ERC1: variants seen among roughly 807,000 people sequenced by gnomAD.
ERC1 encodes the protein ELKS/RAB6-interacting/CAST family member 1, also known as RAB6 interacting protein 2.
In ERC1, 56 loss-of-function variants were observed where a neutral mutation model predicts 132.0. The ratio of observed to expected loss-of-function variants is 0.42; its 90% CI spans 0.34 to 0.53. ERC1 has a LOEUF of 0.53. Ranked by LOEUF, ERC1 falls within the 20% of genes least tolerant of loss-of-function variation. The pLI is 0.03. For missense variants in ERC1, 1,202 were observed against 1,349.9 expected (o/e 0.89, Z 1.72); for synonymous variants, 478 against 476.1 (o/e 1.00, Z -0.05).
intron 2 of ERC1, among the ~76,000 whole-genome samples, chr12:1,049,109 G>T (rs1971507025): frequency 6.6e-6 from 1 of 152,184 alleles, no homozygotes; most frequent in Non-Finnish European, 1.5e-5. Context: ...AAACCTGGCA[G>T]GCCAGAGTAA....
rs540744769 is a variant in ERC1, at chr12:1,485,450, A to T, written c.3214-4643A>T. Among the ~76,000 whole-genome samples, 182 of 150,922 alleles carry T rather than the reference A, an allele frequency of 1.2e-3. 1 individual carries two copies. Among genetic ancestry groups the T allele is most frequent in the South Asian group, 1.5e-3 (7 of 4,766 alleles). ...GAACTCCTGACCTTGTGATCTGCCC[A>T]CCTTGGCCTCCTAAAGTGCTGGGAT... On this transcript the variant is annotated intron_variant, in intron 18 of 18. Transcript: ENST00000360905.
At chr12:1,312,816 G>A (rs992844625) in intron 15 of ERC1, among the ~76,000 whole-genome samples, 1 of 152,028 alleles carries the variant, frequency 6.6e-6, no homozygotes, top group Non-Finnish European at 1.5e-5. Flanking sequence ...AGTTGAGCTT[G>A]TTTTTAAAAG....
chr12:1,376,223 T>C (rs1720617553), intron 16 of ERC1, among the ~76,000 whole-genome samples: 1 of 152,220 alleles, frequency 6.6e-6, no homozygotes, highest in African/African-American at 2.4e-5. Flanking sequence ...TTTTTAATGA[T>C]ATGACTCTCA....
intron 12 of ERC1, among the ~76,000 whole-genome samples, chr12:1,230,837 C>G (rs1230523217): frequency 1.3e-5 from 2 of 152,140 alleles, no homozygotes; most frequent in African/African-American, 2.4e-5. Context: ...AACCTTGTCT[C>G]TTGTGACTGA....
chr12:1,091,079 G>A (rs976944341), intron 3 of ERC1, among the ~76,000 whole-genome samples: 1 of 152,062 alleles, frequency 6.6e-6, no homozygotes, highest in African/African-American at 2.4e-5. Context: ...AGTAGAGATG[G>A]GGTTTCGCCA....
rs779540326 is a variant in ERC1 at position 1,236,769 on chromosome 12, G to A, written c.2352G>A (p.Arg784=). The change falls in exon 13 of 19, where the codon AGG becomes AGA. Residue 784 remains arginine, a splice_region_variant and synonymous_variant. Transcript: ENST00000360905. ...TTGATTTTTCTCCTTCTGTCATTAG[G>A]CAAGTGAAAGACCAGAATAAGAAGG... ...DKDKKIAELE[R]QVKDQNKKVA... 9 of 1,612,688 alleles carry A rather than the reference G, an allele frequency of 5.6e-6. No homozygotes were observed. The Admixed American group carries it at 1.2e-4, about 21-fold the overall frequency.
Position 1,490,452 on chromosome 12 carries a change from G to A in ERC1, c.*222G>A, listed in dbSNP as rs894133818. The A allele has an allele frequency of 3.9e-6, 2 of 514,162 alleles. No homozygotes were observed. The highest frequency in any genetic ancestry group is 6.1e-5 in the South Asian group (2 of 33,004). 31.8% of individuals were successfully genotyped at this position (514,162 alleles called of 1,614,324 possible). On this transcript the variant is annotated 3_prime_UTR_variant, in exon 19 of 19. Transcript: ENST00000360905. ...TACACTAACCTTCTTGATGTCCAGG[G>A]TAGATAAAGGGTCGAATCTCTCTGA... is the stretch of plus-strand genomic sequence containing the variant.
chr12:1,266,112 GT>G (rs1453836552), intron 14 of ERC1, among the ~76,000 whole-genome samples: 2 of 152,106 alleles, frequency 1.3e-5, no homozygotes, highest in African/African-American at 2.4e-5. Context: ...TATGGTAGGA[GT>G]TTTGGAAAAA....
In ERC1 at chr12:1,484,380, T is replaced by C. The variant is rs139954908; in HGVS notation, c.3214-5713T>C. On this transcript the variant is annotated intron_variant, in intron 18 of 18. Transcript: ENST00000360905. ...GTACATACGTTCTTAAATTTCTTAC[T>C]GGTGTTTCTGTTGAACATACTCTAA... Among the ~76,000 whole-genome samples the C allele has an allele frequency of 3.3e-5, 5 of 152,258 alleles. No individual in the cohort carries two copies. The East Asian group carries it at 9.7e-4, about 29-fold the overall frequency.
chr12:1,202,492 A>C (rs1243893975), intron 12 of ERC1, among the ~76,000 whole-genome samples: 1 of 152,068 alleles, frequency 6.6e-6, no homozygotes, highest in Non-Finnish European at 1.5e-5. Flanking sequence ...CCTCGTCTCT[A>C]CAAAAAATAC....
In ERC1 at chr12:1,333,568, T is replaced by C. The variant is rs151097572; in HGVS notation, c.2781-38265T>C. Among the ~76,000 whole-genome samples, 560 of 152,124 alleles carry C rather than the reference T, an allele frequency of 3.7e-3. 5 individuals are homozygous for C. The highest frequency in any genetic ancestry group is 0.021 in the Middle Eastern group (6 of 292). On this transcript the variant is annotated intron_variant, in intron 15 of 18. Transcript: ENST00000360905. ...CGGTGGTCTCGATCTCCTGACCTCA[T>C]GATCCACCCATCTCAGCCTCCCAAA...
At chr12:1,022,161 A>C (rs556630402) in intron 1 of ERC1, among the ~76,000 whole-genome samples, 9 of 152,056 alleles carry the variant, frequency 5.9e-5, no homozygotes, top group Non-Finnish European at 1.2e-4. Flanking sequence ...AAGCAATCCT[A>C]CTTCCTTGGT....
intron 16 of ERC1, among the ~76,000 whole-genome samples, chr12:1,387,373 A>G (rs1345271556): frequency 2.0e-5 from 3 of 152,220 alleles, no homozygotes; most frequent in Admixed American, 6.5e-5. Flanking sequence ...GCTGTAGTAG[A>G]TGGAATGCCC....
chr12:1,011,417 A>T (rs935544984), intron 1 of ERC1, among the ~76,000 whole-genome samples: 2 of 152,048 alleles, frequency 1.3e-5, no homozygotes, highest in East Asian at 1.9e-4. Context: ...TATTGCCCAG[A>T]TTGGTCTCAA....
intron 16 of ERC1, among the ~76,000 whole-genome samples, chr12:1,404,248 G>T (rs1443193631): frequency 6.6e-6 from 1 of 152,066 alleles, no homozygotes; most frequent in Admixed American, 6.5e-5. Context: ...GGGCAAACGG[G>T]CTCCCTCGGG....
intron 12 of ERC1, among the ~76,000 whole-genome samples, chr12:1,216,815 G>C (rs1201777297): frequency 6.6e-6 from 1 of 152,146 alleles, no homozygotes; most frequent in African/African-American, 2.4e-5. Flanking sequence ...GGTTGATCCT[G>C]TGAGGCCTGA....
intron 7 of ERC1, among the ~76,000 whole-genome samples, chr12:1,140,520 A>T (rs1402091505): frequency 6.6e-6 from 1 of 152,130 alleles, no homozygotes; most frequent in African/African-American, 2.4e-5. Context: ...AGTTTGGAGC[A>T]TTTTGGATTT....
chr12:1,481,005 T>A (rs2094079894), intron 18 of ERC1: 1 of 666,016 alleles, frequency 1.5e-6, no homozygotes, highest in South Asian at 1.6e-5. Context: ...CTATAGATGC[T>A]GTTTTCTTCT....
intron 2 of ERC1, among the ~76,000 whole-genome samples, chr12:1,063,257 T>TGTAC (rs1356269587): frequency 1.4e-5 from 2 of 145,794 alleles, no homozygotes; most frequent in African/African-American, 2.6e-5. Context: ...TATGTATGTA[T>TGTAC]GTATTTATTT....
Sources: gnomAD v4.1 joint callset for allele counts (sites outside exome capture counted in the v4.1 genomes callset) on GRCh38, gnomAD v4.1.1 for gene constraint, MANE v1.5 for transcripts, NCBI Gene and HGNC (gene_info 2026-07-23, HGNC 2026-07-21) for gene names.